Variants in DIS3L2 observed in about 807,000 individuals in gnomAD.
DIS3L2 encodes DIS3 like 3'-5' exoribonuclease 2.
A neutral mutation model predicts 97.5 loss-of-function variants in DIS3L2; 34 were observed. The observed-to-expected ratio is 0.35, with a 90% confidence interval of 0.27 to 0.46. The LOEUF is 0.46. Ranked by LOEUF, DIS3L2 falls within the 20% of genes least tolerant of loss-of-function variation. The pLI, the probability that DIS3L2 is intolerant of heterozygous loss-of-function variation, is 1.00. For missense variants in DIS3L2, 1,038 were observed against 1,146.0 expected, an observed-to-expected ratio of 0.91 and a Z score of 1.36; for synonymous variants, 435 against 445.2, an observed-to-expected ratio of 0.98 and a Z score of 0.29.
At chr2:232,128,887 A>C (rs1310085835) in intron 6 of DIS3L2, among the ~76,000 whole-genome samples, 3 of 152,162 alleles carry the variant, frequency 2.0e-5, no homozygotes, top group Non-Finnish European at 4.4e-5. Context: ...GTAAGGCTTT[A>C]AACCTTGGTT....
At position 232,160,347 on chromosome 2, in the gene DIS3L2, C is replaced by G. The variant is rs569791874; in HGVS notation, c.951-3112C>G. 9.9e-4 allele frequency among the ~76,000 whole-genome samples: 151 copies of G among 152,234 alleles called. 3 individuals are homozygous for G. The highest frequency in any genetic ancestry group is 3.4e-3 in the Middle Eastern group (1 of 294). ...AGATTAAATAGGAATATTCAAGTATCAATTTATTTTAATTATCCTAGGCAG... is the reference window on the plus strand; with the variant it reads ...AGATTAAATAGGAATATTCAAGTATGAATTTATTTTAATTATCCTAGGCAG... On this transcript the variant is annotated intron_variant, in intron 8 of 20. Transcript: ENST00000325385.
In DIS3L2 at chr2:232,153,777, A is replaced by G. The variant is rs1469402515; in HGVS notation, c.951-9682A>G. 4.6e-5 allele frequency among the ~76,000 whole-genome samples: 7 copies of G among 151,314 alleles called. No individual in the cohort carries two copies. In the East Asian group the frequency reaches 1.2e-3, roughly 25 times the overall value. ...TGCTAGATTGGGGAAGTTCTCCTGGATAATATCCTGCAGAGTGTTTTCCAA... is the reference window on the plus strand; with the variant it reads ...TGCTAGATTGGGGAAGTTCTCCTGGGTAATATCCTGCAGAGTGTTTTCCAA... On this transcript the variant is annotated intron_variant, in intron 8 of 20. Coordinates refer to ENST00000325385, the MANE Select transcript of DIS3L2 (RefSeq NM_152383.5).
At chr2:232,011,537 G>A (rs1694200817) in intron 1 of DIS3L2, among the ~76,000 whole-genome samples, 1 of 151,996 alleles carries the variant, frequency 6.6e-6, no homozygotes, top group South Asian at 2.1e-4. Flanking sequence ...TTTTTTAGTA[G>A]AGACAGGGTT....
At chr2:231,971,536 C>T (rs1222446674) in intron 1 of DIS3L2, among the ~76,000 whole-genome samples, 1 of 152,130 alleles carries the variant, frequency 6.6e-6, no homozygotes, top group African/African-American at 2.4e-5. Context: ...CAAGCTCCGC[C>T]TCCCAGGTTC....
intron 1 of DIS3L2, among the ~76,000 whole-genome samples, chr2:231,983,145 G>T: frequency 6.6e-6 from 1 of 152,180 alleles, no homozygotes; most frequent in East Asian, 1.9e-4. Flanking sequence ...AGTTATTTGA[G>T]ATCATCAGAG....
In DIS3L2 at chr2:232,273,160, C is replaced by T. The variant is rs150514461; in HGVS notation, c.1659+9720C>T. ...TTTGTTTTTCCTAGGCAGGGCCAGC[C>T]CATCCACCCCTCCTTCCTAGGGTTT... On this transcript the variant is annotated intron_variant, in intron 13 of 20. Coordinates refer to ENST00000325385, the MANE Select transcript of DIS3L2 (RefSeq NM_152383.5). Among the ~76,000 whole-genome samples, 168 of 152,220 alleles carry T rather than the reference C, an allele frequency of 1.1e-3. No individual in the cohort carries two copies. In the Middle Eastern group the frequency reaches 0.014, roughly 12 times the overall value.
exon 14 of DIS3L2, chr2:232,343,561 C>A: frequency 6.4e-7 from 1 of 1,572,086 alleles, no homozygotes; most frequent in East Asian, 2.4e-5. Flanking sequence ...GCAGACAACC[C>A]AGTTGCAGAT....
intron 1 of DIS3L2, among the ~76,000 whole-genome samples, chr2:231,990,094 C>T (rs72985675): frequency 0.014 from 2,203 of 152,192 alleles, 23 homozygotes; most frequent in Non-Finnish European, 0.021. Context: ...TTTGTGTTTT[C>T]TTTCCACAAG....
chr2:232,120,559 T>G (rs1315546472), intron 6 of DIS3L2, among the ~76,000 whole-genome samples: 2 of 152,196 alleles, frequency 1.3e-5, no homozygotes, highest in Non-Finnish European at 2.9e-5. Flanking sequence ...TTAGTTTGAA[T>G]GCATTGAGCA....
chr2:232,335,957 G>A, intron 20 of DIS3L2, 83 bp downstream of exon 20: 1 of 1,543,200 alleles, frequency 6.5e-7, no homozygotes, highest in Non-Finnish European at 8.7e-7. Flanking sequence ...TCCTTCATCT[G>A]TGTCCCCTGG....
Position 232,278,194 on chromosome 2 carries a change from A to T in DIS3L2, c.1659+14754A>T, listed in dbSNP as rs115407269. Among the ~76,000 whole-genome samples, 1,296 of 152,002 alleles carry T rather than the reference A, an allele frequency of 8.5e-3. 18 individuals carry two copies. The highest frequency in any genetic ancestry group is 0.03 in the African/African-American group (1,251 of 41,434). On this transcript the variant is annotated intron_variant, in intron 13 of 20. Coordinates refer to ENST00000325385, the MANE Select transcript of DIS3L2 (RefSeq NM_152383.5). ...TGCTTGTGGGCTCAATCAACTCTTC[A>T]ATCCTCTTTTTGCCATTTCTGTGAA...
At chr2:232,242,067 C>CA (rs1693115201) in intron 11 of DIS3L2, among the ~76,000 whole-genome samples, 1 of 152,182 alleles carries the variant, frequency 6.6e-6, no homozygotes, top group Non-Finnish European at 1.5e-5. Flanking sequence ...AGCAGGTTGT[C>CA]AGAGTGTTGA....
rs1694642813 is a variant in DIS3L2, at chr2:232,293,067, T to G, written c.1660-6973T>G. Among the ~76,000 whole-genome samples, 1 of 152,024 alleles carries G rather than the reference T, an allele frequency of 6.6e-6. No homozygotes were observed. Among genetic ancestry groups the G allele is most frequent in the Non-Finnish European group, 1.5e-5 (1 of 68,012 alleles). ...TTCCCAAGCTGAGCTGCTCTGTGGG[T>G]GGTCCCTGCAGGTGGTGATTAGGGC... On this transcript the variant is annotated intron_variant, in intron 13 of 20. Transcript: ENST00000325385. This position sits in a 1 kb window ranked among gnomAD's most constrained non-coding sequence, Gnocchi z 4.6.
intron 14 of DIS3L2, among the ~76,000 whole-genome samples, chr2:232,321,730 G>A (rs952225805): frequency 8.5e-5 from 13 of 152,330 alleles, no homozygotes; most frequent in Non-Finnish European, 1.3e-4. Context: ...GCCGTGGCGC[G>A]GGCCTGAGTG....
intron 5 of DIS3L2, among the ~76,000 whole-genome samples, chr2:232,078,379 C>A (rs1384922470): frequency 1.3e-5 from 2 of 151,944 alleles, no homozygotes; most frequent in African/African-American, 4.8e-5. Flanking sequence ...ATATGCCCTT[C>A]CCCCCCGCCC....
At position 232,281,149 on chromosome 2, in the gene DIS3L2, C is replaced by G. The variant is rs1481112029; in HGVS notation, c.1659+17709C>G. Among the ~76,000 whole-genome samples, 2 of 152,142 alleles carry G rather than the reference C, an allele frequency of 1.3e-5. No homozygotes were observed. The highest frequency in any genetic ancestry group is 2.9e-5 in the Non-Finnish European group (2 of 68,038). ...GGCACGGTGGCTCACACCTATAACCCAGCACTTTGGGAGGCCGAGGCGGGT... is the reference window on the plus strand; with the variant it reads ...GGCACGGTGGCTCACACCTATAACCGAGCACTTTGGGAGGCCGAGGCGGGT... On this transcript the variant is annotated intron_variant, in intron 13 of 20. Transcript: ENST00000325385. This position sits in a 1 kb window ranked among gnomAD's most constrained non-coding sequence, Gnocchi z 4.1.
At position 232,336,960 on chromosome 2, in the gene DIS3L2, A is replaced by G; in HGVS notation, c.*330A>G. 8.6e-7 allele frequency: 1 copy of G among 1,165,912 alleles called. No individual in the cohort carries two copies. Among genetic ancestry groups the G allele is most frequent in the Non-Finnish European group, 1.1e-6 (1 of 938,764 alleles). 72.2% of individuals were successfully genotyped at this position (1,165,912 alleles called of 1,614,324 possible). On this transcript the variant is annotated 3_prime_UTR_variant, in exon 21 of 21. Coordinates refer to ENST00000325385, the MANE Select transcript of DIS3L2 (RefSeq NM_152383.5). The stretch of plus-strand genomic sequence containing the variant: ...CAGCAACTCAGTGTCACAGAATAAA[A>G]TCAAGTGTGGAGTGCCATCTGGTGT...
At chr2:232,341,057 A>C (rs1696092006), downstream of DIS3L2, 1 of 400,450 alleles carries the variant, frequency 2.5e-6, no homozygotes, top group Admixed American at 3.1e-5. Flanking sequence ...TTGGAGGCAC[A>C]ATGATTGCCA....
intron 8 of DIS3L2, among the ~76,000 whole-genome samples, chr2:232,146,295 T>C (rs1449011078): frequency 6.6e-6 from 1 of 152,198 alleles, no homozygotes; most frequent in African/African-American, 2.4e-5. Flanking sequence ...GAGCTTTACA[T>C]TTTCTGTTGC....
Sources: allele counts gnomAD v4.1 joint callset (sites outside exome capture counted in the v4.1 genomes callset), GRCh38; gene constraint gnomAD v4.1.1; non-coding constraint Gnocchi (gnomAD v3.1); transcripts MANE v1.5; gene names NCBI Gene and HGNC (gene_info 2026-07-23, HGNC 2026-07-21).